GTF3C1: variants seen among roughly 807,000 people sequenced by gnomAD.
The protein encoded by GTF3C1 is general transcription factor 3C polypeptide 1.
GTF3C1 carries 57 observed loss-of-function variants against 226.7 expected under a neutral mutation model. That is an observed-to-expected ratio of 0.25 (90% CI 0.20 to 0.31). GTF3C1 has a LOEUF of 0.31. GTF3C1 is among the 10% of genes least tolerant of loss of function. The pLI, the probability that GTF3C1 is intolerant of heterozygous loss-of-function variation, is 1.00. For missense variants in GTF3C1, 2,217 were observed against 2,776.1 expected (o/e 0.80, Z 4.53); for synonymous variants, 1,090 against 1,084.8 (o/e 1.00, Z -0.09).
At chr16:27,523,437 T>A (rs1209912740) in intron 6 of GTF3C1, among the ~76,000 whole-genome samples, 2 of 152,074 alleles carry the variant, frequency 1.3e-5, no homozygotes, top group African/African-American at 4.8e-5. Context: ...TAATACATCA[T>A]CTTTATTTAT....
chr16:27,479,412 T>G (rs2088005165), intron 27 of GTF3C1, among the ~76,000 whole-genome samples: 1 of 152,190 alleles, frequency 6.6e-6, no homozygotes, highest in Non-Finnish European at 1.5e-5. Flanking sequence ...TTTTATAAAA[T>G]ATGACAAATT....
Position 27,539,523 on chromosome 16 carries a change from C to CA in GTF3C1, c.432-1168dup, listed in dbSNP as rs528205908. On this transcript the variant is annotated intron_variant, in intron 2 of 36. Coordinates refer to ENST00000356183, the MANE Select transcript of GTF3C1 (RefSeq NM_001520.4). ...TTGACCTGCTCCATTCACCCACTCT[C>CA]AGAGTCCAAGCCCTGGCCCTGCAGC... Among the ~76,000 whole-genome samples, 13 of 152,334 alleles carry CA rather than the reference C, an allele frequency of 8.5e-5. No homozygotes were observed. In the East Asian group the frequency reaches 2.3e-3, roughly 27 times the overall value.
chr16:27,530,971 T>G (rs574590535), intron 5 of GTF3C1, among the ~76,000 whole-genome samples: 3 of 152,246 alleles, frequency 2.0e-5, no homozygotes, highest in African/African-American at 4.8e-5. Flanking sequence ...CTCCAAAATG[T>G]TTCTCAAACA....
chr16:27,470,129 A>G lies in GTF3C1; in HGVS notation c.4793T>C (p.Val1598Ala). Residue 1598 changes from valine (V) to alanine (A), a missense_variant, in exon 31 of 37, where the codon GTG (valine) becomes GCG (alanine). Around this residue, in one of 12 missense-constraint regions of GTF3C1, gnomAD observed 546 missense variants for 663.0 expected, o/e 0.82. Transcript: ENST00000356183. This position sits in a 1 kb window ranked among gnomAD's most constrained non-coding sequence, Gnocchi z 4.9. ...EQIIVVDSSM[V>A]ENEVIKSLGK... Reference sequence around the variant, plus strand: ...TTACCTTTTGATGACCTCATTCTCCACCATTGAGCTGTCTACCACGATGAT... The same window carrying G: ...TTACCTTTTGATGACCTCATTCTCCGCCATTGAGCTGTCTACCACGATGAT... 1 of 1,613,452 alleles carries G rather than the reference A, an allele frequency of 6.2e-7. No homozygotes were observed. The highest frequency in any genetic ancestry group is 2.2e-5 in the East Asian group (1 of 44,866).
chr16:27,485,443 G>C (rs2088124753), intron 24 of GTF3C1, among the ~76,000 whole-genome samples: 1 of 152,248 alleles, frequency 6.6e-6, no homozygotes, highest in East Asian at 1.9e-4. Context: ...GCCAAGAACA[G>C]AGAATGAGCA....
chr16:27,543,157 G>A (rs1596665477), intron 2 of GTF3C1, among the ~76,000 whole-genome samples: 8 of 152,280 alleles, frequency 5.3e-5, no homozygotes, highest in Admixed American at 3.3e-4. Flanking sequence ...AGGCCAAGGC[G>A]GGTGGATCAC....
chr16:27,510,820 G>C (rs2088562028), intron 7 of GTF3C1, among the ~76,000 whole-genome samples: 1 of 152,220 alleles, frequency 6.6e-6, no homozygotes, highest in Admixed American at 6.5e-5. Flanking sequence ...GAATGGGAGA[G>C]AATGTTTTCT....
At chr16:27,499,432 C>T (rs1430191486) in intron 12 of GTF3C1, among the ~76,000 whole-genome samples, 3 of 152,096 alleles carry the variant, frequency 2.0e-5, no homozygotes, top group Non-Finnish European at 2.9e-5. Context: ...GACGGCCAGG[C>T]CCCCAGGGAG....
chr16:27,549,643 G>T, intron 1 of GTF3C1, 27 bp downstream of exon 1: 2 of 529,048 alleles, frequency 3.8e-6, no homozygotes, highest in Non-Finnish European at 5.9e-6. Context: ...CCGCCCGCCC[G>T]CCCGCCAGGC....
rs748502998 is a variant in GTF3C1, at chr16:27,549,786, G to A, written c.105C>T (p.Phe35=). The change falls in exon 1 of 37, where the codon TTC becomes TTT. Residue 35 remains phenylalanine, a synonymous_variant. Transcript: ENST00000356183. ...GCGTGCAGGGTTCCAAAGGCAGCGG[G>A]AAGGGCGGCACTCGCGTCTCCAGCC... The part of the protein sequence containing the change: ...WSRLETRVPP[F]PLPLEPCTQE... The A allele has an allele frequency of 4.3e-6, 7 of 1,612,850 alleles. No individual in the cohort carries two copies. The highest frequency in any genetic ancestry group is 2.7e-5 in the African/African-American group (2 of 74,944).
At chr16:27,489,343 G>C (rs995050047) in intron 20 of GTF3C1, among the ~76,000 whole-genome samples, 165 bp from the exon 21 acceptor site, 4 of 152,166 alleles carry the variant, frequency 2.6e-5, no homozygotes, top group Non-Finnish European at 5.9e-5. Context: ...GTGTTGACTG[G>C]TTTTCACTTT....
chr16:27,482,391 T>C (rs556232741), intron 26 of GTF3C1: 4 of 439,336 alleles, frequency 9.1e-6, no homozygotes, highest in Admixed American at 7.2e-5. Context: ...TTTCTGTCAC[T>C]TCCATCCAAA....
intron 29 of GTF3C1, among the ~76,000 whole-genome samples, chr16:27,473,361 C>G (rs892317487): frequency 1.3e-5 from 2 of 152,264 alleles, no homozygotes; most frequent in African/African-American, 2.4e-5. Flanking sequence ...TCAGCAGAGT[C>G]TCTGTTACTC....
At chr16:27,505,411 T>C (rs541467040) in intron 10 of GTF3C1, among the ~76,000 whole-genome samples, 105 of 152,300 alleles carry the variant, frequency 6.9e-4, no homozygotes, top group Admixed American at 1.9e-3. Flanking sequence ...CTGTGTATTG[T>C]AGGATGTTTA....
intron 6 of GTF3C1, among the ~76,000 whole-genome samples, chr16:27,518,727 G>T (rs573891376): frequency 6.6e-6 from 1 of 152,190 alleles, no homozygotes; most frequent in Non-Finnish European, 1.5e-5. Context: ...GAGAGAGGCC[G>T]TCGGGCAGCA....
intron 1 of GTF3C1, among the ~76,000 whole-genome samples, chr16:27,546,098 C>CA (rs2089158752): frequency 6.6e-6 from 1 of 152,198 alleles, no homozygotes; most frequent in Non-Finnish European, 1.5e-5. Context: ...CCACCCGCCT[C>CA]AGCTTCCCAA....
At position 27,469,941 on chromosome 16, in the gene GTF3C1, G is replaced by C. The variant is rs1361947308; in HGVS notation, c.4814+167C>G. ...TTTGGCTGATTCCCATAACACCTGG[G>C]AGGCACCAGCAGAGGACACCTTAGA... On this transcript the variant is annotated intron_variant, in intron 31 of 36. Coordinates refer to ENST00000356183, the MANE Select transcript of GTF3C1 (RefSeq NM_001520.4). The surrounding 1 kb of genome is among the most constrained non-coding windows in gnomAD (Gnocchi z 4.5). 6.6e-6 allele frequency among the ~76,000 whole-genome samples: 1 copy of C among 152,020 alleles called. No homozygotes were observed. The highest frequency in any genetic ancestry group is 2.4e-5 in the African/African-American group (1 of 41,356).
rs2087938903 is a variant in GTF3C1, at chr16:27,475,537, CCT to C, written c.4353+912_4353+913del. On this transcript the variant is annotated intron_variant, in intron 29 of 36. Transcript: ENST00000356183. The stretch of plus-strand genomic sequence containing the variant: ...CAGCACTGGCAGGGGACCCTCAGCA[CCT>C]CTCTGTTGGGGTCTTGGGTGATGAC... 2.0e-5 allele frequency among the ~76,000 whole-genome samples: 3 copies of C among 152,170 alleles called. No homozygotes were observed. In the South Asian group the frequency reaches 6.2e-4, roughly 32 times the overall value.
At chr16:27,539,004 CTTTT>C (rs899984965) in intron 2 of GTF3C1, among the ~76,000 whole-genome samples, 6 of 103,912 alleles carry the variant, frequency 5.8e-5, no homozygotes, top group African/African-American at 1.1e-4. Context: ...ACACACTCAT[CTTTT>C]TTTTTTTTTT....
Sources: gnomAD v4.1 joint callset for allele counts (sites outside exome capture counted in the v4.1 genomes callset) on GRCh38, gnomAD v4.1.1 for gene constraint, gnomAD v4.1.1 regional missense constraint, Gnocchi (gnomAD v3.1) non-coding constraint, MANE v1.5 for transcripts, NCBI Gene and HGNC (gene_info 2026-07-23, HGNC 2026-07-21) for gene names.